The following OPA1 variants were observed in gnomAD, a reference collection of about 807,000 sequenced individuals.
The protein encoded by OPA1 is OPA1 mitochondrial dynamin like GTPase, also known as dynamin-like GTPase OPA1, mitochondrial.
In OPA1, 59 loss-of-function variants were observed where a neutral mutation model predicts 152.9. The observed-to-expected ratio is 0.39, with a 90% confidence interval of 0.31 to 0.48. The LOEUF (loss-of-function observed/expected upper bound fraction) is 0.48, where lower values mean the gene tolerates loss of function less well. OPA1 is among the 20% of genes least tolerant of loss of function. The pLI is 0.96. For missense variants in OPA1, 1,008 were observed against 1,216.8 expected, an observed-to-expected ratio of 0.83 and a Z score of 2.55; for synonymous variants, 400 against 389.9, an observed-to-expected ratio of 1.03 and a Z score of -0.31.
intron 15 of OPA1, 25 bp downstream of exon 15, chr3:193,643,652 T>C (rs760563866): frequency 5.2e-6 from 8 of 1,547,558 alleles, no homozygotes; most frequent in African/African-American, 1.4e-5. Flanking sequence ...AAGATTTTAA[T>C]GTACTGATAT....
chr3:193,606,780 C>A (rs1011223437), intron 1 of OPA1, among the ~76,000 whole-genome samples: 2 of 152,124 alleles, frequency 1.3e-5, no homozygotes, highest in Admixed American at 1.3e-4. Context: ...GGGTATATAC[C>A]CAGTAATGGG....
intron 9 of OPA1, among the ~76,000 whole-genome samples, 195 bp downstream of exon 9, chr3:193,635,717 T>C (rs1300049318): frequency 6.6e-6 from 1 of 152,220 alleles, no homozygotes; most frequent in African/African-American, 2.4e-5. Context: ...TGTTTTATAC[T>C]ATGCCCATAA....
chr3:193,652,602 A>G (rs1409054731), intron 21 of OPA1, among the ~76,000 whole-genome samples: 2 of 152,214 alleles, frequency 1.3e-5, no homozygotes, highest in Non-Finnish European at 2.9e-5. Flanking sequence ...TAACTGCTGA[A>G]TAGCTTCATC....
At chr3:193,642,452 G>A (rs1248793340) in intron 11 of OPA1, among the ~76,000 whole-genome samples, 1 of 152,172 alleles carries the variant, frequency 6.6e-6, no homozygotes, top group African/African-American at 2.4e-5. Flanking sequence ...ATGATTTTGG[G>A]CTTAGTGCTG....
At chr3:193,642,324 C>T (rs556793175) in intron 11 of OPA1, among the ~76,000 whole-genome samples, 1 of 152,304 alleles carries the variant, frequency 6.6e-6, no homozygotes, top group Admixed American at 6.5e-5. Flanking sequence ...TCCCCACCTA[C>T]AACACCTGAC....
At chr3:193,689,228 A>C (rs1207954564) in intron 29 of OPA1, 2 of 152,210 alleles carry the variant, frequency 1.3e-5, no homozygotes, top group Non-Finnish European at 2.9e-5. Flanking sequence ...AAAGTGAAAG[A>C]ACAAAGAAAT....
At chr3:193,659,183 G>T (rs1470740596) in intron 24 of OPA1, among the ~76,000 whole-genome samples, 188 bp downstream of exon 24, 1 of 152,124 alleles carries the variant, frequency 6.6e-6, no homozygotes, top group Non-Finnish European at 1.5e-5. Context: ...GAATAAAATG[G>T]ACACATGATG....
In OPA1 at chr3:193,657,136, G is replaced by A. The variant is rs781348202; in HGVS notation, c.2235G>A (p.Gly745=). The change falls in exon 23 of 31, where the codon GGG becomes GGA. Residue 745 remains glycine, a synonymous_variant. Transcript: ENST00000361510. ...CCCGCTTTATGACAGAACCGAAAGG[G>A]AAAGAGCATGATGACATATTTGATA... ...EFSRFMTEPK[G]KEHDDIFDKL... The A allele has an allele frequency of 2.9e-5, 46 of 1,613,770 alleles. No homozygotes were observed. Among genetic ancestry groups the A allele is most frequent in the Non-Finnish European group, 3.8e-5 (45 of 1,179,908 alleles).
At chr3:193,642,307 CT>C (rs547008345) in intron 11 of OPA1, among the ~76,000 whole-genome samples, 1 of 152,172 alleles carries the variant, frequency 6.6e-6, no homozygotes, top group Non-Finnish European at 1.5e-5. Flanking sequence ...ACAGTCAGCT[CT>C]GTGTTTCCCC....
chr3:193,696,302 C>A lies in OPA1; in HGVS notation c.*1702C>A, dbSNP rs1036065990. On this transcript the variant is annotated 3_prime_UTR_variant, in exon 31 of 31. Transcript: ENST00000361510. ...TTCAGCTGTATTTCCACAGATTTCT[C>A]CCAAGGAAAAGGCTAATATTAGTCA... is the stretch of plus-strand genomic sequence containing the variant. 1.3e-5 allele frequency: 2 copies of A among 152,220 alleles called. No homozygotes were observed. The highest frequency in any genetic ancestry group is 4.8e-5 in the African/African-American group (2 of 41,456). The allele number at this position is 152,220 out of a possible 1,614,324, so 9.4% of individuals were successfully genotyped here.
intron 29 of OPA1, among the ~76,000 whole-genome samples, chr3:193,678,836 A>G (rs768475228): frequency 1.3e-5 from 2 of 152,150 alleles, no homozygotes; most frequent in Non-Finnish European, 2.9e-5. Flanking sequence ...TGCTCAAGTC[A>G]TTCTCATCTT....
rs1722316908 is a variant in OPA1 at position 193,697,126 on chromosome 3, A to G, written c.*2526A>G. Reference sequence around the variant, plus strand: ...CAATGTGGGAATTTGACATAGGATGAGAGTCAGAGTATAGGTTTAAAAGAT... The same window carrying G: ...CAATGTGGGAATTTGACATAGGATGGGAGTCAGAGTATAGGTTTAAAAGAT... On this transcript the variant is annotated 3_prime_UTR_variant, in exon 31 of 31. Transcript: ENST00000361510. The G allele has an allele frequency of 6.6e-6, 1 of 152,360 alleles. No individual in the cohort carries two copies. Among genetic ancestry groups the G allele is most frequent in the Non-Finnish European group, 1.5e-5 (1 of 68,022 alleles). The allele number at this position is 152,360 out of a possible 1,614,324, so 9.4% of individuals were successfully genotyped here.
intron 1 of OPA1, among the ~76,000 whole-genome samples, chr3:193,597,704 A>G (rs1469286876): frequency 6.6e-6 from 1 of 151,666 alleles, no homozygotes; most frequent in South Asian, 2.1e-4. Context: ...AAAAAAAAAA[A>G]AAAAAGAAAT....
At chr3:193,673,795 A>G (rs1041494482) in intron 29 of OPA1, among the ~76,000 whole-genome samples, 12 of 152,242 alleles carry the variant, frequency 7.9e-5, no homozygotes, top group African/African-American at 2.7e-4. Context: ...TCATTTACCA[A>G]TAAAATGTGA....
At chr3:193,640,031 A>G (rs1353215648) in intron 11 of OPA1, among the ~76,000 whole-genome samples, 2 of 152,132 alleles carry the variant, frequency 1.3e-5, no homozygotes, top group African/African-American at 4.8e-5. Context: ...TCAGTGGATC[A>G]GGTTTGGGGG....
chr3:193,691,607 T>C (rs1471341673), intron 29 of OPA1: 1 of 154,772 alleles, frequency 6.5e-6, no homozygotes, highest in East Asian at 1.9e-4. Flanking sequence ...TTTGTAACTC[T>C]TACTACTTTA....
chr3:193,659,018 G>A (rs756084671), intron 24 of OPA1, 23 bp downstream of exon 24: 2 of 1,486,650 alleles, frequency 1.3e-6, no homozygotes, highest in South Asian at 2.3e-5. Context: ...ACGGCTTATT[G>A]AGTTCTGAGT....
intron 7 of OPA1, chr3:193,627,224 C>T (rs554793717): frequency 3.3e-5 from 5 of 152,260 alleles, no homozygotes; most frequent in African/African-American, 1.2e-4. Context: ...CTTCAGAGTA[C>T]TCACCATAGT....
intron 6 of OPA1, among the ~76,000 whole-genome samples, chr3:193,624,553 T>G (rs1280753273): frequency 1.3e-5 from 2 of 152,136 alleles, no homozygotes; most frequent in East Asian, 3.9e-4. Flanking sequence ...AAGGTAAAAA[T>G]TATGAGAATG....
Sources: allele counts gnomAD v4.1 joint callset (sites outside exome capture counted in the v4.1 genomes callset), GRCh38; gene constraint gnomAD v4.1.1; transcripts MANE v1.5; gene names NCBI Gene and HGNC (gene_info 2026-07-23, HGNC 2026-07-21).